The following PTPRD variants were observed in gnomAD, a reference collection of about 807,000 sequenced individuals.
PTPRD encodes the protein protein tyrosine phosphatase receptor type D, also known as receptor-type tyrosine-protein phosphatase delta.
PTPRD carries 34 observed loss-of-function variants against 214.5 expected under a neutral mutation model. That is an observed-to-expected ratio of 0.16 (90% CI 0.12 to 0.21). The LOEUF is 0.21. PTPRD is among the 10% of genes least tolerant of loss of function. The pLI is 1.00. For synonymous variants in PTPRD, 1,128 were observed against 845.7 expected (o/e 1.33, Z -5.79); for missense variants, 2,545 against 2,398.7 (o/e 1.06, Z -1.27).
rs181494576 is a variant in PTPRD, at chr9:9,582,321, G to A, written c.-286-7540C>T. Among the ~76,000 whole-genome samples, 240 of 150,198 alleles carry A rather than the reference G, an allele frequency of 1.6e-3. 1 individual carries two copies. Among genetic ancestry groups the A allele is most frequent in the Admixed American group, 0.016 (237 of 15,048 alleles). ...GAGGCATGTTCCTCTTTGTCCCTCCGTCCCTAAGTAAAATTTCTGGTTAGA... is the reference window on the plus strand; with the variant it reads ...GAGGCATGTTCCTCTTTGTCCCTCCATCCCTAAGTAAAATTTCTGGTTAGA... On this transcript the variant is annotated intron_variant, in intron 7 of 45. Coordinates refer to ENST00000381196, the MANE Select transcript of PTPRD (RefSeq NM_002839.4).
intron 11 of PTPRD, among the ~76,000 whole-genome samples, chr9:8,855,674 T>C (rs528142648): frequency 1.3e-5 from 2 of 152,358 alleles, no homozygotes; most frequent in South Asian, 2.1e-4. Flanking sequence ...ATGCCACTTT[T>C]ACAGGAGTAA....
chr9:10,176,603 T>C (rs1442678994), intron 3 of PTPRD, among the ~76,000 whole-genome samples: 1 of 151,972 alleles, frequency 6.6e-6, no homozygotes, highest in African/African-American at 2.4e-5. Flanking sequence ...TGAACAAAGG[T>C]TCTTTTCAAG....
rs144846302 is a variant in PTPRD, at chr9:9,108,501, T to C, written c.-143+74803A>G. On this transcript the variant is annotated intron_variant, in intron 10 of 45. Coordinates refer to ENST00000381196, the MANE Select transcript of PTPRD (RefSeq NM_002839.4). ...CACTCTTACAAAGTCCACCCAAGGT[T>C]GAGGGACTCTCCAGGTTGACTCTCC... Among the ~76,000 whole-genome samples the C allele has an allele frequency of 1.0e-3, 156 of 152,282 alleles. 1 individual carries two copies. The highest frequency in any genetic ancestry group is 3.7e-3 in the African/African-American group (152 of 41,568).
At chr9:8,747,450 G>A (rs2092952403) in intron 11 of PTPRD, among the ~76,000 whole-genome samples, 1 of 152,070 alleles carries the variant, frequency 6.6e-6, no homozygotes, top group Admixed American at 6.6e-5. Flanking sequence ...GAAACCTAAA[G>A]AGGTGGCAGT....
intron 5 of PTPRD, among the ~76,000 whole-genome samples, chr9:9,886,519 C>G (rs541335742): frequency 6.6e-6 from 1 of 152,166 alleles, no homozygotes; most frequent in South Asian, 2.1e-4. Context: ...GGCCAGAGGT[C>G]AGACCGTTCC....
At chr9:8,323,317 A>C (rs1830327128) in intron 44 of PTPRD, among the ~76,000 whole-genome samples, 1 of 152,224 alleles carries the variant, frequency 6.6e-6, no homozygotes, top group African/African-American at 2.4e-5. Flanking sequence ...AGCCCAATGG[A>C]TCAAGGAGGA....
intron 3 of PTPRD, among the ~76,000 whole-genome samples, chr9:10,202,460 A>G (rs1194528191): frequency 2.0e-5 from 3 of 149,600 alleles, no homozygotes; most frequent in African/African-American, 7.5e-5. Flanking sequence ...GGCTGGCATT[A>G]GAAAGGATAC....
At chr9:8,863,423 T>C (rs1364715382) in intron 11 of PTPRD, among the ~76,000 whole-genome samples, 5 of 152,228 alleles carry the variant, frequency 3.3e-5, no homozygotes, top group Non-Finnish European at 7.3e-5. Context: ...AAACAAAGGA[T>C]ATACTCTAAT....
At chr9:9,979,085 C>A (rs1360386631) in intron 4 of PTPRD, among the ~76,000 whole-genome samples, 1 of 151,830 alleles carries the variant, frequency 6.6e-6, no homozygotes, top group Non-Finnish European at 1.5e-5. Flanking sequence ...TCAGACAAAA[C>A]TAAAGCTGAT....
intron 34 of PTPRD, among the ~76,000 whole-genome samples, chr9:8,437,756 G>A (rs1194250050): frequency 6.6e-6 from 1 of 152,120 alleles, no homozygotes; most frequent in South Asian, 2.1e-4. Context: ...GAGGGAAAGA[G>A]GGTGAAGAAA....
chr9:9,201,067 G>C (rs1396303624), intron 9 of PTPRD, among the ~76,000 whole-genome samples: 3 of 152,164 alleles, frequency 2.0e-5, no homozygotes, highest in Admixed American at 6.5e-5. Flanking sequence ...AGACACCTCT[G>C]AATAAATATA....
chr9:10,154,436 T>A (rs2099081107), intron 3 of PTPRD, among the ~76,000 whole-genome samples: 1 of 152,180 alleles, frequency 6.6e-6, no homozygotes, highest in Non-Finnish European at 1.5e-5. Context: ...ATGAATAGTT[T>A]CTTTTGTTGT....
chr9:8,366,392 T>C (rs187487331), intron 39 of PTPRD, among the ~76,000 whole-genome samples: 1 of 152,082 alleles, frequency 6.6e-6, no homozygotes, highest in Non-Finnish European at 1.5e-5. Flanking sequence ...GAGAAGAATT[T>C]TGGGGGGAAG....
Position 9,884,214 on chromosome 9 carries a change from A to G in PTPRD, c.-368+54293T>C, listed in dbSNP as rs138819920. On this transcript the variant is annotated intron_variant, in intron 5 of 45. Coordinates refer to ENST00000381196, the MANE Select transcript of PTPRD (RefSeq NM_002839.4). ...ATTGACTATGGACTGTGTTCAGGGC[A>G]CCAACATTTGACATTGTGAAGAATG... Among the ~76,000 whole-genome samples, 1,220 of 152,232 alleles carry G rather than the reference A, an allele frequency of 8.0e-3. 5 individuals are homozygous for G. The highest frequency in any genetic ancestry group is 0.011 in the Non-Finnish European group (745 of 68,002).
intron 14 of PTPRD, among the ~76,000 whole-genome samples, chr9:8,609,727 G>A (rs559754578): frequency 1.3e-5 from 2 of 152,206 alleles, no homozygotes; most frequent in South Asian, 4.2e-4. Context: ...GCTGGTTATA[G>A]GTACTAAATT....
intron 5 of PTPRD, among the ~76,000 whole-genome samples, chr9:9,836,693 A>C (rs75780163): frequency 0.013 from 2,035 of 152,272 alleles, 30 homozygotes; most frequent in African/African-American, 0.045. Flanking sequence ...GTGGGTAAAC[A>C]TCCTGGTTCC....
At chr9:8,347,037 T>C (rs2074026493) in intron 39 of PTPRD, among the ~76,000 whole-genome samples, 1 of 152,014 alleles carries the variant, frequency 6.6e-6, no homozygotes, top group Non-Finnish European at 1.5e-5. Context: ...AGCTTGGTAC[T>C]CTCTGGGGAC....
At chr9:9,253,788 C>T (rs1774871779) in intron 9 of PTPRD, among the ~76,000 whole-genome samples, 1 of 152,088 alleles carries the variant, frequency 6.6e-6, no homozygotes, top group African/African-American at 2.4e-5. Flanking sequence ...ACTGCTGTAA[C>T]AAATTATCAC....
intron 8 of PTPRD, among the ~76,000 whole-genome samples, chr9:9,544,902 T>C (rs909430972): frequency 5.1e-4 from 77 of 151,892 alleles, no homozygotes; most frequent in African/African-American, 1.9e-3. Flanking sequence ...CATTTCTAGT[T>C]GGGATGGGTT....
Sources: gnomAD v4.1 joint callset for allele counts (sites outside exome capture counted in the v4.1 genomes callset) on GRCh38, gnomAD v4.1.1 for gene constraint, MANE v1.5 for transcripts, NCBI Gene and HGNC (gene_info 2026-07-23, HGNC 2026-07-21) for gene names.